The following FSTL5 variants were observed in gnomAD, a reference collection of about 807,000 sequenced individuals.
FSTL5 encodes the protein follistatin like 5.
Under a neutral mutation model 89.1 loss-of-function variants are expected in FSTL5, and 62 were observed. The observed-to-expected ratio is 0.70, with a 90% CI of 0.57 to 0.86. The LOEUF (loss-of-function observed/expected upper bound fraction) is 0.86, where lower values mean the gene tolerates loss of function less well. FSTL5 is among the 40% of genes least tolerant of loss of function. FSTL5 has a pLI of 0.00. For missense variants in FSTL5, 1,057 were observed against 1,001.6 expected, an observed-to-expected ratio of 1.06 and a Z score of -0.75; for synonymous variants, 383 against 346.2, an observed-to-expected ratio of 1.11 and a Z score of -1.18.
At chr4:161,510,969 TAA>T (rs1032051311) in intron 10 of FSTL5, among the ~76,000 whole-genome samples, 2 of 152,124 alleles carry the variant, frequency 1.3e-5, no homozygotes, top group African/African-American at 4.8e-5. Context: ...AAAATAGATC[TAA>T]GTATACTTCG....
At chr4:162,141,929 G>A (rs1483842390) in intron 1 of FSTL5, among the ~76,000 whole-genome samples, 1 of 152,084 alleles carries the variant, frequency 6.6e-6, no homozygotes. Context: ...GTGTACACAG[G>A]TAGAAAGAAG....
intron 3 of FSTL5, among the ~76,000 whole-genome samples, chr4:161,953,924 A>C (rs1359628260): frequency 6.6e-6 from 1 of 151,684 alleles, no homozygotes; most frequent in African/African-American, 2.4e-5. Context: ...ATTTATATCC[A>C]TTGTGTAAAG....
At chr4:161,395,262 C>A (rs1730957471) in intron 15 of FSTL5, among the ~76,000 whole-genome samples, 1 of 151,638 alleles carries the variant, frequency 6.6e-6, no homozygotes, top group Non-Finnish European at 1.5e-5. Context: ...AAACTGTAAA[C>A]CTACTGTTAA....
At chr4:162,116,442 G>T (rs566497155) in intron 1 of FSTL5, among the ~76,000 whole-genome samples, 3 of 152,270 alleles carry the variant, frequency 2.0e-5, no homozygotes, top group Admixed American at 6.5e-5. Context: ...TGAGGAAAGG[G>T]TTACTATAAG....
At chr4:162,092,809 C>T (rs1730597044) in intron 2 of FSTL5, among the ~76,000 whole-genome samples, 2 of 151,408 alleles carry the variant, frequency 1.3e-5, no homozygotes, top group African/African-American at 4.9e-5. Flanking sequence ...ATTAGCCAGC[C>T]GTGGTGGTGC....
At chr4:161,532,368 G>C (rs181075489) in intron 10 of FSTL5, among the ~76,000 whole-genome samples, 7 of 152,178 alleles carry the variant, frequency 4.6e-5, no homozygotes, top group Admixed American at 4.6e-4. Context: ...GCCCAGAGAG[G>C]TCATGTAGTA....
chr4:161,822,325 C>T (rs530591275), intron 4 of FSTL5, among the ~76,000 whole-genome samples: 19 of 152,272 alleles, frequency 1.2e-4, no homozygotes, highest in African/African-American at 4.6e-4. Context: ...GTAGGCTGCA[C>T]TTGGCTCACA....
chr4:162,001,033 C>G (rs1736448343), intron 3 of FSTL5, among the ~76,000 whole-genome samples: 1 of 152,316 alleles, frequency 6.6e-6, no homozygotes, highest in Admixed American at 6.5e-5. Context: ...CTATTAAAAA[C>G]TATGCATCTT....
intron 4 of FSTL5, among the ~76,000 whole-genome samples, chr4:161,919,988 C>G (rs965776552): frequency 6.6e-6 from 1 of 152,150 alleles, no homozygotes; most frequent in East Asian, 1.9e-4. Flanking sequence ...GTGGTGCAAA[C>G]TGAAACCATC....
At chr4:161,584,837 C>T (rs754865766) in intron 8 of FSTL5, among the ~76,000 whole-genome samples, 19 of 151,962 alleles carry the variant, frequency 1.3e-4, no homozygotes, top group Non-Finnish European at 2.4e-4. Flanking sequence ...ATCTTTATAC[C>T]AAGATAGTCA....
At chr4:161,419,831 A>C (rs1731920363) in intron 15 of FSTL5, among the ~76,000 whole-genome samples, 1 of 152,238 alleles carries the variant, frequency 6.6e-6, no homozygotes, top group South Asian at 2.1e-4. Context: ...TATTTCTGCA[A>C]CTTTATGTTC....
intron 4 of FSTL5, among the ~76,000 whole-genome samples, chr4:161,863,381 C>A (rs12642234): frequency 0.046 from 6,963 of 152,092 alleles, 227 homozygotes; most frequent in East Asian, 0.15. Flanking sequence ...CAAAGATGTG[C>A]AGGAGGGTGA....
At position 162,077,849 on chromosome 4, in the gene FSTL5, C is replaced by A. The variant is rs898989857; in HGVS notation, c.126+33422G>T. On this transcript the variant is annotated intron_variant, in intron 2 of 15. Transcript: ENST00000306100. ...ATTAATACTGAGAGTTCTAAAGTTT[C>A]TTAATATATTGCAATATATTAAACA... 9.9e-5 allele frequency among the ~76,000 whole-genome samples: 15 copies of A among 151,852 alleles called. No individual in the cohort carries two copies. In the East Asian group the frequency reaches 1.2e-3, roughly 12 times the overall value.
chr4:161,715,029 C>A (rs1738928236), intron 6 of FSTL5, among the ~76,000 whole-genome samples: 2 of 151,840 alleles, frequency 1.3e-5, no homozygotes, highest in Non-Finnish European at 2.9e-5. Flanking sequence ...AATATTTGAA[C>A]AACTAATAAT....
At chr4:161,827,230 T>C (rs72979186) in intron 4 of FSTL5, among the ~76,000 whole-genome samples, 13,796 of 152,178 alleles carry the variant, frequency 0.091, 786 homozygotes, top group African/African-American at 0.16. Context: ...TCTTCTGGAT[T>C]TAGCTAGCCA....
chr4:162,037,709 A>G (rs1560984827), intron 2 of FSTL5, among the ~76,000 whole-genome samples: 1 of 151,950 alleles, frequency 6.6e-6, no homozygotes, highest in Non-Finnish European at 1.5e-5. Context: ...AAGGGAAACT[A>G]GTAATTAATT....
intron 4 of FSTL5, among the ~76,000 whole-genome samples, chr4:161,907,957 G>A (rs1733582693): frequency 6.6e-6 from 1 of 151,884 alleles, no homozygotes; most frequent in African/African-American, 2.4e-5. Flanking sequence ...AAGCTGGCAA[G>A]AGAAAAAATT....
At chr4:161,575,779 T>C (rs868821163) in intron 8 of FSTL5, among the ~76,000 whole-genome samples, 2 of 152,152 alleles carry the variant, frequency 1.3e-5, no homozygotes, top group Non-Finnish European at 2.9e-5. Flanking sequence ...AGTGTTTTTA[T>C]GGTTTTGGGT....
In FSTL5 at chr4:161,719,862, C is replaced by T. The variant is rs951136421; in HGVS notation, c.727+39549G>A. Among the ~76,000 whole-genome samples, 4 of 152,154 alleles carry T rather than the reference C, an allele frequency of 2.6e-5. No homozygotes were observed. In the South Asian group the frequency reaches 6.2e-4, roughly 24 times the overall value. On this transcript the variant is annotated intron_variant, in intron 6 of 15. Coordinates refer to ENST00000306100, the MANE Select transcript of FSTL5 (RefSeq NM_020116.5). ...AGTAATTCTAACAATGTTTTTGGGA[C>T]TCTTTAGAACTTTATCTTACACGAT...
Sources: allele counts gnomAD v4.1 joint callset (sites outside exome capture counted in the v4.1 genomes callset), GRCh38; gene constraint gnomAD v4.1.1; transcripts MANE v1.5; gene names NCBI Gene and HGNC (gene_info 2026-07-23, HGNC 2026-07-21).